Variants in RANBP2 observed in about 807,000 individuals in gnomAD.
The protein encoded by RANBP2 is RAN binding protein 2.
Under a neutral mutation model 303.6 loss-of-function variants are expected in RANBP2, and 57 were observed. The ratio of observed to expected loss-of-function variants is 0.19; its 90% CI spans 0.15 to 0.23. The LOEUF is 0.23. RANBP2 is among the 10% of genes least tolerant of loss of function. The pLI, the probability that RANBP2 is intolerant of heterozygous loss-of-function variation, is 1.00. For missense variants in RANBP2, 3,138 were observed against 3,780.8 expected (o/e 0.83, Z 4.46); for synonymous variants, 1,167 against 1,301.5 (o/e 0.90, Z 2.23).
the RANBP2 span, among the ~76,000 whole-genome samples, chr2:109,312,075 G>C: frequency 6.6e-6 from 1 of 152,302 alleles, no homozygotes; most frequent in African/African-American, 2.4e-5. Flanking sequence ...GAACCTTGGT[G>C]TATGTGTTTT....
At chr2:109,170,386 C>T in the RANBP2 span, among the ~76,000 whole-genome samples, 1 of 151,430 alleles carries the variant, frequency 6.6e-6, no homozygotes, top group Non-Finnish European at 1.5e-5. Context: ...TGTTCTGTTG[C>T]CCAGGCTGGA....
the RANBP2 span, among the ~76,000 whole-genome samples, chr2:109,493,519 C>T: frequency 6.6e-6 from 1 of 151,436 alleles, no homozygotes; most frequent in Non-Finnish European, 1.5e-5. Flanking sequence ...CTCACACACA[C>T]CATTGCATAC....
the RANBP2 span, among the ~76,000 whole-genome samples, chr2:108,951,718 G>A: frequency 6.6e-6 from 1 of 151,950 alleles, no homozygotes; most frequent in Non-Finnish European, 1.5e-5. Context: ...TCATTCTAAA[G>A]GTTCTTCCAT....
At chr2:109,683,739 G>A in the RANBP2 span, among the ~76,000 whole-genome samples, 9 of 152,164 alleles carry the variant, frequency 5.9e-5, no homozygotes, top group African/African-American at 9.6e-5. Context: ...GCCCAGGCCC[G>A]GCACTCTCCA....
At chr2:109,570,330 G>A in the RANBP2 span, among the ~76,000 whole-genome samples, 1 of 152,020 alleles carries the variant, frequency 6.6e-6, no homozygotes, top group Non-Finnish European at 1.5e-5. Context: ...TTGGTCAAAA[G>A]GTAATATTGT....
At chr2:109,764,605 C>T in the RANBP2 span, among the ~76,000 whole-genome samples, 11 of 149,054 alleles carry the variant, frequency 7.4e-5, no homozygotes, top group African/African-American at 2.2e-4. Flanking sequence ...GTTTTCAACA[C>T]TGGTGATTCA....
At chr2:109,154,841 T>C in the RANBP2 span, among the ~76,000 whole-genome samples, 43 of 152,318 alleles carry the variant, frequency 2.8e-4, no homozygotes, top group African/African-American at 9.6e-4. Flanking sequence ...CACTTTCTGC[T>C]ATGGCCTTGG....
the RANBP2 span, among the ~76,000 whole-genome samples, chr2:109,309,747 C>T: frequency 7.9e-6 from 1 of 126,314 alleles, no homozygotes; most frequent in African/African-American, 3.9e-5. Context: ...ACAAAGAAGG[C>T]CATTATATAA....
At chr2:109,302,129 A>AT in the RANBP2 span, among the ~76,000 whole-genome samples, 1 of 152,108 alleles carries the variant, frequency 6.6e-6, no homozygotes, top group South Asian at 2.1e-4. Flanking sequence ...GAGGCTGGTC[A>AT]TTTTTTCAGA....
At chr2:108,928,910 T>A in the RANBP2 span, among the ~76,000 whole-genome samples, 3 of 152,372 alleles carry the variant, frequency 2.0e-5, no homozygotes, top group East Asian at 5.8e-4. Flanking sequence ...GCTACTGCAC[T>A]GTAAGTATTC....
the RANBP2 span, among the ~76,000 whole-genome samples, chr2:109,085,674 C>T: frequency 6.7e-6 from 1 of 148,998 alleles, no homozygotes; most frequent in Non-Finnish European, 1.5e-5. Flanking sequence ...AATCTTGGCT[C>T]ACTGCAACCT....
the RANBP2 span, among the ~76,000 whole-genome samples, chr2:108,949,055 G>A: frequency 1.3e-5 from 2 of 152,178 alleles, no homozygotes; most frequent in Non-Finnish European, 1.5e-5. Context: ...TGGCTTCACT[G>A]CAGTCTCGAC....
At chr2:108,891,571 A>T in the RANBP2 span, among the ~76,000 whole-genome samples, 1 of 152,276 alleles carries the variant, frequency 6.6e-6, no homozygotes, top group African/African-American at 2.4e-5. Context: ...CAATGGGCTA[A>T]GTGTGCCTGT....
the RANBP2 span, among the ~76,000 whole-genome samples, chr2:108,886,665 G>A: frequency 2.0e-5 from 3 of 151,950 alleles, no homozygotes; most frequent in Non-Finnish European, 4.4e-5. Context: ...ATCTGCCTCG[G>A]CCTCCCAAAG....
At chr2:109,320,532 C>T in the RANBP2 span, among the ~76,000 whole-genome samples, 2 of 152,220 alleles carry the variant, frequency 1.3e-5, no homozygotes, top group Non-Finnish European at 2.9e-5. Flanking sequence ...GTCCTACCTG[C>T]TGGATACATG....
At chr2:109,188,969 T>C in the RANBP2 span, among the ~76,000 whole-genome samples, 1 of 151,960 alleles carries the variant, frequency 6.6e-6, no homozygotes, top group Non-Finnish European at 1.5e-5. Context: ...GAAGTACTCT[T>C]TTCATCTTGT....
the RANBP2 span, among the ~76,000 whole-genome samples, chr2:109,590,147 A>G: frequency 6.6e-6 from 1 of 151,736 alleles, no homozygotes; most frequent in Admixed American, 6.6e-5. Context: ...AATATCTCGA[A>G]GGGTAATGAC....
At chr2:109,558,902 T>TG in the RANBP2 span, among the ~76,000 whole-genome samples, 6 of 152,074 alleles carry the variant, frequency 3.9e-5, no homozygotes, top group African/African-American at 1.4e-4. Flanking sequence ...CTTTTTTTTT[T>TG]TGAGATGGAG....
At chr2:108,891,925 G>T in the RANBP2 span, among the ~76,000 whole-genome samples, 1 of 152,114 alleles carries the variant, frequency 6.6e-6, no homozygotes, top group East Asian at 1.9e-4. Context: ...AAGATGCTCA[G>T]GTACCCAAGG....
Sources: gnomAD v4.1 joint callset for allele counts (sites outside exome capture counted in the v4.1 genomes callset) on GRCh38, gnomAD v4.1.1 for gene constraint, MANE v1.5 for transcripts, NCBI Gene and HGNC (gene_info 2026-07-23, HGNC 2026-07-21) for gene names.